The following PPBP variants were observed in gnomAD, a reference collection of about 807,000 sequenced individuals.
PPBP encodes the protein pro-platelet basic protein.
PPBP carries 8 observed loss-of-function variants against 8.3 expected under a neutral mutation model. That is an observed-to-expected ratio of 0.97 (90% CI 0.57 to 1.75). The LOEUF (loss-of-function observed/expected upper bound fraction) is 1.75, where lower values mean the gene tolerates loss of function less well. Among genes scored for constraint, PPBP ranks in the 40% most tolerant of loss-of-function variants. The pLI is 0.00. For missense variants in PPBP, 169 were observed against 149.2 expected, an observed-to-expected ratio of 1.13 and a Z score of -0.69; for synonymous variants, 64 against 58.9, an observed-to-expected ratio of 1.09 and a Z score of -0.40.
At position 73,987,514 on chromosome 4, in the gene PPBP, T is replaced by C. The variant is rs554521346; in HGVS notation, c.284+3A>G. The C allele has an allele frequency of 6.2e-7, 1 of 1,613,446 alleles. No homozygotes were observed. Among genetic ancestry groups the C allele is most frequent in the South Asian group, 1.1e-5 (1 of 91,084 alleles). On this transcript the variant is annotated splice_donor_region_variant and intron_variant, in intron 2 of 2. Coordinates refer to ENST00000296028, the MANE Select transcript of PPBP (RefSeq NM_002704.3). ...AGGCAATAGCACAGAAACAGCAACT[T>C]ACATCACTTCGACTTGGTTGCAATG...
Position 73,986,636 on chromosome 4 carries a change from T to C in PPBP, c.*636A>G, listed in dbSNP as rs1317892713. Among the ~76,000 whole-genome samples, 1 of 152,164 alleles carries C rather than the reference T, an allele frequency of 6.6e-6. No individual in the cohort carries two copies. Among genetic ancestry groups the C allele is most frequent in the Admixed American group, 6.5e-5 (1 of 15,280 alleles). On this transcript the variant is annotated 3_prime_UTR_variant, in exon 3 of 3. Coordinates refer to ENST00000296028, the MANE Select transcript of PPBP (RefSeq NM_002704.3). ...TGATAGAATTATAACTATGTAGATA[T>C]GTTAATTCATTTTCATCATCTATTT...
Position 73,986,956 on chromosome 4 carries a change from C to A in PPBP, c.*316G>T. The A allele has an allele frequency of 3.2e-6, 1 of 314,000 alleles. No individual in the cohort carries two copies. Among genetic ancestry groups the A allele is most frequent in the Non-Finnish European group, 5.9e-6 (1 of 168,638 alleles). 19.5% of individuals were successfully genotyped at this position (314,000 alleles called of 1,614,324 possible). On this transcript the variant is annotated 3_prime_UTR_variant, in exon 3 of 3. Transcript: ENST00000296028. ...AATACCCATGAGTATGTCTAATAACCATAAAGTAGACCAGGAAAAATCAAC... is the reference window on the plus strand; with the variant it reads ...AATACCCATGAGTATGTCTAATAACAATAAAGTAGACCAGGAAAAATCAAC...
chr4:73,987,229 A>G lies in PPBP; in HGVS notation c.*43T>C, dbSNP rs1299922840. 2 of 1,511,584 alleles carry G rather than the reference A, an allele frequency of 1.3e-6. No individual in the cohort carries two copies. Among genetic ancestry groups the G allele is most frequent in the Admixed American group, 1.7e-5 (1 of 58,794 alleles). The allele number at this position is 1,511,584 out of a possible 1,614,324, so 93.6% of individuals were successfully genotyped here. On this transcript the variant is annotated 3_prime_UTR_variant, in exon 3 of 3. Transcript: ENST00000296028. ...TAGAAAATCAAGGTTTCAAAATTCT[A>G]CCCTTCCTGGGAGTTAAAGAAGTTT...
chr4:73,987,868 C>T (rs1719006462), intron 1 of PPBP, 88 bp downstream of exon 1: 3 of 1,578,340 alleles, frequency 1.9e-6, no homozygotes, highest in Non-Finnish European at 2.6e-6. Flanking sequence ...TAATGGCCCT[C>T]TCCAGCCCCA....
In PPBP at chr4:73,987,215, G is replaced by A; in HGVS notation, c.*57C>T. 2 of 1,428,950 alleles carry A rather than the reference G, an allele frequency of 1.4e-6. No individual in the cohort carries two copies. The highest frequency in any genetic ancestry group is 1.2e-5 in the South Asian group (1 of 86,158). The allele number at this position is 1,428,950 out of a possible 1,614,324, so 88.5% of individuals were successfully genotyped here. Reference sequence around the variant, plus strand: ...ATAAATGAGAACTCTAGAAAATCAAGGTTTCAAAATTCTACCCTTCCTGGG... The same window carrying A: ...ATAAATGAGAACTCTAGAAAATCAAAGTTTCAAAATTCTACCCTTCCTGGG... On this transcript the variant is annotated 3_prime_UTR_variant, in exon 3 of 3. Coordinates refer to ENST00000296028, the MANE Select transcript of PPBP (RefSeq NM_002704.3).
In PPBP at chr4:73,987,648, T is replaced by G. The variant is rs538109768; in HGVS notation, c.153A>C (p.Glu51Asp). Residue 51 changes from glutamate to aspartate, a missense_variant, in exon 2 of 3, where the codon GAA becomes GAC. Coordinates refer to ENST00000296028, the MANE Select transcript of PPBP (RefSeq NM_002704.3). Reference protein sequence around the residue: ...TKRNLAKGKEESLDSDLYAEL... With the variant: ...TKRNLAKGKEDSLDSDLYAEL... ...CAGCATACAAGTCACTGTCTAGACTTTCCTCTAGGGTAGAAAATGTGACCT... is the reference window on the plus strand; with the variant it reads ...CAGCATACAAGTCACTGTCTAGACTGTCCTCTAGGGTAGAAAATGTGACCT... 22 of 1,609,410 alleles carry G rather than the reference T, an allele frequency of 1.4e-5. No homozygotes were observed. The South Asian group carries it at 2.0e-4, about 14-fold the overall frequency.
Position 73,986,988 on chromosome 4 carries a change from G to T in PPBP, c.*284C>A. 1 of 367,108 alleles carries T rather than the reference G, an allele frequency of 2.7e-6. No homozygotes were observed. Among genetic ancestry groups the T allele is most frequent in the Non-Finnish European group, 4.9e-6 (1 of 202,334 alleles). The allele number at this position is 367,108 out of a possible 1,614,324, so 22.7% of individuals were successfully genotyped here. A position where few individuals can be genotyped will look rare whatever the true frequency, so the allele number is the denominator to read the frequency against. ...TAGACCAGGAAAAATCAACCAAGTT[G>T]TGTTAGAATAGAAATTTTTAAAGAA... On this transcript the variant is annotated 3_prime_UTR_variant, in exon 3 of 3. Coordinates refer to ENST00000296028, the MANE Select transcript of PPBP (RefSeq NM_002704.3).
At position 73,988,143 on chromosome 4, in the gene PPBP, A is replaced by G. The variant is rs1290658121; in HGVS notation, c.-40T>C. ...AGCTAGAGTTGTTTCCAGAACCAGA[A>G]GACCTCTGAGTGAGGGTGAGTTGCT... On this transcript the variant is annotated 5_prime_UTR_variant, in exon 1 of 3. Transcript: ENST00000296028. 46 of 1,608,214 alleles carry G rather than the reference A, an allele frequency of 2.9e-5. No homozygotes were observed. The highest frequency in any genetic ancestry group is 3.8e-5 in the Non-Finnish European group (45 of 1,174,902).
chr4:73,987,769 G>A lies in PPBP; in HGVS notation c.149-117C>T, dbSNP rs113170400. The A allele has an allele frequency of 7.0e-4, 1,018 of 1,453,668 alleles. 2 individuals are homozygous for A. In the African/African-American group the frequency reaches 0.012, roughly 17 times the overall value. The allele number at this position is 1,453,668 out of a possible 1,614,324, so 90.0% of individuals were successfully genotyped here. ...AGCCATTGTGAATATGATCTGTAACGCTTTAGTAAAGTGCCCAGAAGATTG... is the reference window on the plus strand; with the variant it reads ...AGCCATTGTGAATATGATCTGTAACACTTTAGTAAAGTGCCCAGAAGATTG... On this transcript the variant is annotated intron_variant, in intron 1 of 2. Coordinates refer to ENST00000296028, the MANE Select transcript of PPBP (RefSeq NM_002704.3).
chr4:73,988,080 G>T lies in PPBP; in HGVS notation c.24C>A (p.Thr8=), dbSNP rs1470225324. 1.9e-6 allele frequency: 3 copies of T among 1,614,054 alleles called. No individual in the cohort carries two copies. Among genetic ancestry groups the T allele is most frequent in the East Asian group, 4.5e-5 (2 of 44,880 alleles). The change falls in exon 1 of 3, where the codon ACC becomes ACA. Residue 8 remains threonine, a synonymous_variant. Coordinates refer to ENST00000296028, the MANE Select transcript of PPBP (RefSeq NM_002704.3). MSLRLDT[T]PSCNSARPLH... is the part of the protein sequence containing the mutation. ...GTGGTCTCGCACTGTTACAGGAAGGGGTGGTATCAAGTCTGAGGCTCATGG... is the reference window on the plus strand; with the variant it reads ...GTGGTCTCGCACTGTTACAGGAAGGTGTGGTATCAAGTCTGAGGCTCATGG...
rs1306573461 is a variant in PPBP at position 73,987,995 on chromosome 4, T to C, written c.109A>G (p.Thr37Ala). Reference sequence around the variant, plus strand: ...AAGTTTCTCTTAGTTTGTCCTTTGGTGGAGGAAGCCAGAGCAGTCAGCAGC... The same window carrying C: ...AAGTTTCTCTTAGTTTGTCCTTTGGCGGAGGAAGCCAGAGCAGTCAGCAGC... ...SLLLTALASSTKGQTKRNLAK... is the reference protein window; with the variant it reads ...SLLLTALASSAKGQTKRNLAK... Residue 37 changes from threonine (T) to alanine (A), a missense_variant, in exon 1 of 3, where the codon ACC becomes GCC. Transcript: ENST00000296028. 2.5e-6 allele frequency: 4 copies of C among 1,613,920 alleles called. No individual in the cohort carries two copies. The highest frequency in any genetic ancestry group is 1.7e-5 in the Admixed American group (1 of 59,988).
At chr4:73,987,682 T>C (rs1203491384) in intron 1 of PPBP, 30 bp from the exon 2 acceptor site, 1 of 1,599,916 alleles carries the variant, frequency 6.3e-7, no homozygotes, top group South Asian at 1.1e-5. Flanking sequence ...CTATTGGTGG[T>C]CATGAATATT....
Position 73,988,057 on chromosome 4 carries a change from G to A in PPBP, c.47C>T (p.Pro16Leu). 6.2e-7 allele frequency: 1 copy of A among 1,613,976 alleles called. No homozygotes were observed. The highest frequency in any genetic ancestry group is 8.5e-7 in the Non-Finnish European group (1 of 1,179,864). ...DTTPSCNSAR[P>L]LHALQVLLLL... is the part of the protein sequence containing the mutation. Reference sequence around the variant, plus strand: ...CAGCAGCACCTGCAAGGCATGAAGTGGTCTCGCACTGTTACAGGAAGGGGT... The same window carrying A: ...CAGCAGCACCTGCAAGGCATGAAGTAGTCTCGCACTGTTACAGGAAGGGGT... The change falls in exon 1 of 3, where the codon CCA becomes CTA. Residue 16 changes from proline to leucine, a missense_variant. By Grantham distance (98) the Pro-to-Leu change is moderately conservative. Transcript: ENST00000296028.
rs1029323013 is a variant in PPBP at position 73,987,286 on chromosome 4, C to A, written c.373G>T (p.Glu125Ter). The change falls in exon 3 of 3, where the codon GAA becomes TAA. Residue 125 changes from glutamate to a stop codon, truncating the protein, a stop_gained. Coordinates refer to ENST00000296028, the MANE Select transcript of PPBP (RefSeq NM_002704.3). LOFTEE classifies it high-confidence loss of function. ...KIVQKKLAGD[E>*]SAD ...AACAGAACAAATTAATCAGCAGATT[C>A]ATCACCTGCCAATTTTTTCTGTACA... is the stretch of plus-strand genomic sequence containing the variant. 1 of 1,610,296 alleles carries A rather than the reference C, an allele frequency of 6.2e-7. No individual in the cohort carries two copies. The highest frequency in any genetic ancestry group is 8.5e-7 in the Non-Finnish European group (1 of 1,176,594).
rs368136036 is a variant in PPBP, at chr4:73,987,338, G to A, written c.321C>T (p.Asp107=). 2 of 1,613,972 alleles carry A rather than the reference G, an allele frequency of 1.2e-6. No homozygotes were observed. Among genetic ancestry groups the A allele is most frequent in the Non-Finnish European group, 1.7e-6 (2 of 1,179,876 alleles). ...TLKDGRKICL[D]PDAPRIKKIV... ...TTTTCTTGATTCTGGGAGCATCTGG[G>A]TCCAGGCAGATTTTCCTCCCATCCT... is the stretch of plus-strand genomic sequence containing the variant. The change falls in exon 3 of 3, where the codon GAC becomes GAT. Residue 107 remains aspartate (D), a synonymous_variant. Transcript: ENST00000296028.
At chr4:73,987,795 C>A in intron 1 of PPBP, 143 bp from the exon 2 acceptor site, 1 of 1,432,044 alleles carries the variant, frequency 7.0e-7, no homozygotes. Context: ...CAGAAGATTG[C>A]CCAGCACACA....
In PPBP at chr4:73,987,949, C is replaced by A. The variant is rs766662863; in HGVS notation, c.148+7G>T. 53 of 1,613,940 alleles carry A rather than the reference C, an allele frequency of 3.3e-5. 1 individual carries two copies. The South Asian group carries it at 5.8e-4, about 18-fold the overall frequency. On this transcript the variant is annotated splice_region_variant and intron_variant, in intron 1 of 2. Coordinates refer to ENST00000296028, the MANE Select transcript of PPBP (RefSeq NM_002704.3). Reference sequence around the variant, plus strand: ...CAGCAACAAGTGCAGAGAAGCAGGGCCTCTACCTTTGCCTTTCGCCAAGTT... The same window carrying A: ...CAGCAACAAGTGCAGAGAAGCAGGGACTCTACCTTTGCCTTTCGCCAAGTT...
Position 73,986,890 on chromosome 4 carries a change from C to A in PPBP, c.*382G>T. 2 of 192,910 alleles carry A rather than the reference C, an allele frequency of 1.0e-5. No individual in the cohort carries two copies. Among genetic ancestry groups the A allele is most frequent in the South Asian group, 2.2e-4 (2 of 9,196 alleles). The allele number at this position is 192,910 out of a possible 1,614,324, so 11.9% of individuals were successfully genotyped here. A position where few individuals can be genotyped will look rare whatever the true frequency, so the allele number is the denominator to read the frequency against. On this transcript the variant is annotated 3_prime_UTR_variant, in exon 3 of 3. Coordinates refer to ENST00000296028, the MANE Select transcript of PPBP (RefSeq NM_002704.3). Reference sequence around the variant, plus strand: ...TTGAGCAAATATTCTCTGTTGGGCTCCATGTAATTCCTATTATCATTGACC... The same window carrying A: ...TTGAGCAAATATTCTCTGTTGGGCTACATGTAATTCCTATTATCATTGACC...
In PPBP at chr4:73,986,905, T is replaced by A. The variant is rs1222167047; in HGVS notation, c.*367A>T. ...CTGTTGGGCTCCATGTAATTCCTAT[T>A]ATCATTGACCATTATGAAATCTAAT... On this transcript the variant is annotated 3_prime_UTR_variant, in exon 3 of 3. Transcript: ENST00000296028. 1 of 211,684 alleles carries A rather than the reference T, an allele frequency of 4.7e-6. No individual in the cohort carries two copies. The highest frequency in any genetic ancestry group is 2.4e-5 in the African/African-American group (1 of 42,024). 13.1% of individuals were successfully genotyped at this position (211,684 alleles called of 1,614,324 possible).
Sources: gnomAD v4.1 joint callset for allele counts (sites outside exome capture counted in the v4.1 genomes callset) on GRCh38, gnomAD v4.1.1 for gene constraint, MANE v1.5 for transcripts, NCBI Gene and HGNC (gene_info 2026-07-23, HGNC 2026-07-21) for gene names.